The following FRMD4B variants were observed in gnomAD, a reference collection of about 807,000 sequenced individuals.
FRMD4B encodes FERM domain-containing protein 4B.
A neutral mutation model predicts 141.5 loss-of-function variants in FRMD4B; 74 were observed. That is an observed-to-expected ratio of 0.52 (90% CI 0.43 to 0.63). The LOEUF is 0.63. Ranked by LOEUF, FRMD4B falls within the 30% of genes least tolerant of loss-of-function variation. FRMD4B has a pLI of 0.00. For synonymous variants in FRMD4B, 506 were observed against 467.9 expected (o/e 1.08, Z -1.05); for missense variants, 1,366 against 1,253.4 (o/e 1.09, Z -1.36).
chr3:69,472,930 TTTTTTTTC>T (rs1161614450), intron 1 of FRMD4B, among the ~76,000 whole-genome samples: 24 of 115,990 alleles, frequency 2.1e-4, no homozygotes, highest in African/African-American at 6.7e-4. Flanking sequence ...TCTTTCTTTT[TTTTTTTTC>T]TTTTTTTTTT....
chr3:69,189,177 G>A (rs1439320958), intron 18 of FRMD4B, among the ~76,000 whole-genome samples: 10 of 131,548 alleles, frequency 7.6e-5, no homozygotes, highest in African/African-American at 2.3e-4. Context: ...AGCTGAGATC[G>A]CACCAGTGCA....
At chr3:69,473,880 C>T (rs879801600) in intron 1 of FRMD4B, among the ~76,000 whole-genome samples, 28 of 152,068 alleles carry the variant, frequency 1.8e-4, no homozygotes, top group Non-Finnish European at 3.4e-4. Flanking sequence ...TCTACTAGTC[C>T]CACTTCTAAC....
chr3:69,283,408 A>ACAAAAAAC (rs1553716233), intron 5 of FRMD4B, among the ~76,000 whole-genome samples: 67,695 of 140,460 alleles, frequency 0.48, 16,780 homozygotes, highest in Admixed American at 0.52. Context: ...CAACAAACAA[A>ACAAAAAAC]AAACAAAAAA....
At chr3:69,351,121 C>G (rs1374872551) in intron 1 of FRMD4B, among the ~76,000 whole-genome samples, 1 of 152,144 alleles carries the variant, frequency 6.6e-6, no homozygotes, top group Non-Finnish European at 1.5e-5. Context: ...CCAATACCTT[C>G]CTTTCTTAGA....
chr3:69,347,045 TAAAG>T (rs1702970911), intron 1 of FRMD4B, among the ~76,000 whole-genome samples: 1 of 152,150 alleles, frequency 6.6e-6, no homozygotes, highest in Admixed American at 6.5e-5. Context: ...GCAAATTGGA[TAAAG>T]AGTCAAGACC....
intron 1 of FRMD4B, among the ~76,000 whole-genome samples, chr3:69,466,689 G>A (rs1705793057): frequency 6.6e-6 from 1 of 151,964 alleles, no homozygotes; most frequent in Non-Finnish European, 1.5e-5. Context: ...AAACAGAAAA[G>A]CAAAACCTTT....
At chr3:69,350,059 T>G (rs1035660020) in intron 1 of FRMD4B, among the ~76,000 whole-genome samples, 3 of 152,106 alleles carry the variant, frequency 2.0e-5, no homozygotes, top group Non-Finnish European at 2.9e-5. Context: ...GGAGAAAATT[T>G]TCACAACCTA....
intron 1 of FRMD4B, among the ~76,000 whole-genome samples, chr3:69,361,046 G>T (rs1703457270): frequency 6.6e-6 from 1 of 152,132 alleles, no homozygotes; most frequent in Admixed American, 6.5e-5. Context: ...TTATTTGCCA[G>T]TTTCCAAAAT....
chr3:69,456,214 T>C (rs1046239823), intron 1 of FRMD4B, among the ~76,000 whole-genome samples: 3 of 150,490 alleles, frequency 2.0e-5, no homozygotes, highest in Admixed American at 2.0e-4. Context: ...TTCATTTCAC[T>C]TTGTCAATTC....
chr3:69,454,872 G>A (rs1005210720), intron 1 of FRMD4B, among the ~76,000 whole-genome samples: 2 of 152,364 alleles, frequency 1.3e-5, no homozygotes, highest in East Asian at 3.9e-4. Context: ...GGATCCACTA[G>A]GGAAGTCAGC....
chr3:69,224,451 T>C lies in FRMD4B; in HGVS notation c.665+156A>G, dbSNP rs147305149. ...TCCAGTAAGCTTTGAGTAGATCCTTTCACTGAAAGGATCAAGGTCTACCTA... is the reference window on the plus strand; with the variant it reads ...TCCAGTAAGCTTTGAGTAGATCCTTCCACTGAAAGGATCAAGGTCTACCTA... On this transcript the variant is annotated intron_variant, in intron 8 of 22. Coordinates refer to ENST00000398540, the MANE Select transcript of FRMD4B (RefSeq NM_015123.3). 8.3e-3 allele frequency among the ~76,000 whole-genome samples: 1,270 copies of C among 152,324 alleles called. 7 individuals carry two copies. The highest frequency in any genetic ancestry group is 0.044 in the Middle Eastern group (13 of 294).
intron 1 of FRMD4B, among the ~76,000 whole-genome samples, chr3:69,336,812 C>T (rs573003453): frequency 2.7e-4 from 41 of 152,206 alleles, no homozygotes; most frequent in Non-Finnish European, 4.0e-4. Context: ...GGCATGGTGG[C>T]GCATGCCTGT....
At chr3:69,231,105 C>T (rs967364206) in intron 7 of FRMD4B, among the ~76,000 whole-genome samples, 13 of 152,126 alleles carry the variant, frequency 8.5e-5, no homozygotes, top group Admixed American at 5.2e-4. Context: ...GGAGACAGCC[C>T]GGAAATACTG....
In FRMD4B at chr3:69,196,955, A is replaced by G. The variant is rs2092913051; in HGVS notation, c.1037T>C (p.Ile346Thr). 1.2e-6 allele frequency: 2 copies of G among 1,609,288 alleles called. No individual in the cohort carries two copies. The highest frequency in any genetic ancestry group is 2.2e-5 in the South Asian group (2 of 91,006). ...ATGCTGACTAATTGCCATTACCCAA[A>G]TGGACTTGATGAGAGAAGAGTTAGC... ...WYANSSLIKS[I>T]WVMAISQHQF... The change falls in exon 13 of 23, where the codon ATT (isoleucine) becomes ACT (threonine). Residue 346 changes from isoleucine (I) to threonine (T), a missense_variant. Physicochemically the swap from Ile to Thr is moderately conservative, Grantham distance 89. Transcript: ENST00000398540.
intron 2 of FRMD4B, among the ~76,000 whole-genome samples, chr3:69,409,166 A>G (rs927567385): frequency 6.6e-6 from 1 of 152,170 alleles, no homozygotes; most frequent in Non-Finnish European, 1.5e-5. Context: ...TGCTTGGTTC[A>G]GCACTTCTTT....
Position 69,171,924 on chromosome 3 carries a change from GT to G in FRMD4B, c.3041del (p.Asn1014ThrfsTer20). The G allele has an allele frequency of 6.2e-7, 1 of 1,612,304 alleles. No individual in the cohort carries two copies. Among genetic ancestry groups the G allele is most frequent in the Non-Finnish European group, 8.5e-7 (1 of 1,178,396 alleles). The part of the protein sequence containing the change: ...DGTDGNQLED[N>X]LESSEQRLFW... ...AGAGTCTCTGCTCACTACTCTCCAG[GT>G]TGTCTTCCAGCTGGTTTCCATCTGT... On this transcript the variant is annotated frameshift_variant, in exon 23 of 23. Coordinates refer to ENST00000398540, the MANE Select transcript of FRMD4B (RefSeq NM_015123.3). LOFTEE classifies it high-confidence loss of function.
intron 17 of FRMD4B, among the ~76,000 whole-genome samples, chr3:69,191,512 A>G (rs1291627486): frequency 2.0e-5 from 3 of 151,874 alleles, no homozygotes; most frequent in African/African-American, 4.8e-5. Context: ...AAATCATTCC[A>G]TATTCACCTG....
In FRMD4B at chr3:69,358,594, A is replaced by C. The variant is rs1227934214; in HGVS notation, c.162+27234T>G. ...CTACAAAATACACAAAAATTAGCCAAGTGTGGTGGCATGCGCCTATAGTCC... is the reference window on the plus strand; with the variant it reads ...CTACAAAATACACAAAAATTAGCCACGTGTGGTGGCATGCGCCTATAGTCC... On this transcript the variant is annotated intron_variant, in intron 1 of 22. Coordinates refer to ENST00000398540, the MANE Select transcript of FRMD4B (RefSeq NM_015123.3). Among the ~76,000 whole-genome samples the C allele has an allele frequency of 2.6e-5, 4 of 152,210 alleles. 1 individual carries two copies. The East Asian group carries it at 7.7e-4, about 29-fold the overall frequency.
intron 19 of FRMD4B, 91 bp from the exon 20 acceptor site, chr3:69,182,808 G>T: frequency 1.6e-6 from 2 of 1,260,888 alleles, no homozygotes; most frequent in Non-Finnish European, 1.1e-6. Flanking sequence ...CTTACTAGAA[G>T]CCCAAGGAAA....
Sources: gnomAD v4.1 joint callset for allele counts (sites outside exome capture counted in the v4.1 genomes callset) on GRCh38, gnomAD v4.1.1 for gene constraint, MANE v1.5 for transcripts, NCBI Gene and HGNC (gene_info 2026-07-23, HGNC 2026-07-21) for gene names.